The following DTX3L variants were observed in gnomAD, a reference collection of about 807,000 sequenced individuals.
DTX3L encodes deltex E3 ubiquitin ligase 3L.
A neutral mutation model predicts 60.9 loss-of-function variants in DTX3L; 34 were observed. That is an observed-to-expected ratio of 0.56 (90% CI 0.42 to 0.74). The LOEUF is 0.74. Among genes scored for constraint, DTX3L ranks in the 30% least tolerant of loss-of-function variants. The pLI is 0.00. For synonymous variants in DTX3L, 290 were observed against 316.6 expected (o/e 0.92, Z 0.89); for missense variants, 810 against 874.0 (o/e 0.93, Z 0.92).
At position 122,570,524 on chromosome 3, in the gene DTX3L, G is replaced by A. The variant is rs1409600072; in HGVS notation, c.2005G>A (p.Glu669Lys). The A allele has an allele frequency of 1.2e-6, 2 of 1,614,100 alleles. No homozygotes were observed. Among genetic ancestry groups the A allele is most frequent in the Non-Finnish European group, 1.7e-6 (2 of 1,180,020 alleles). ...QRTAYLPDNKEGRKVLKLLYR... is the reference protein window; with the variant it reads ...QRTAYLPDNKKGRKVLKLLYR... ...AACTGCATACTTGCCTGATAATAAGGAAGGAAGGAAGGTTTTGAAACTGCT... is the reference window on the plus strand; with the variant it reads ...AACTGCATACTTGCCTGATAATAAGAAAGGAAGGAAGGTTTTGAAACTGCT... The change falls in exon 4 of 5, where the codon GAA becomes AAA. Residue 669 changes from glutamate to lysine, a missense_variant. By Grantham distance (56) the Glu-to-Lys change is moderately conservative. Coordinates refer to ENST00000296161, the MANE Select transcript of DTX3L (RefSeq NM_138287.3).
chr3:122,566,256 C>T (rs1432159409), intron 2 of DTX3L, among the ~76,000 whole-genome samples, 186 bp downstream of exon 2: 1 of 152,138 alleles, frequency 6.6e-6, no homozygotes, highest in African/African-American at 2.4e-5. Context: ...TACTGGGGGC[C>T]AGGTCATGCA....
Position 122,564,657 on chromosome 3 carries a change from G to T in DTX3L, c.187+44G>T, listed in dbSNP as rs773833141. The T allele has an allele frequency of 3.2e-6, 5 of 1,553,962 alleles. No homozygotes were observed. In the South Asian group the frequency reaches 5.9e-5, roughly 18 times the overall value. ...GGCTGCGAAAGCCCTCTGGGGGCCCGGCCCCCGGGTTTCCAGGCGGACCCA... is the reference window on the plus strand; with the variant it reads ...GGCTGCGAAAGCCCTCTGGGGGCCCTGCCCCCGGGTTTCCAGGCGGACCCA... On this transcript the variant is annotated intron_variant, in intron 1 of 4. Transcript: ENST00000296161.
intron 2 of DTX3L, among the ~76,000 whole-genome samples, chr3:122,566,841 C>T (rs552172592): frequency 6.6e-5 from 10 of 152,186 alleles, no homozygotes; most frequent in Admixed American, 5.2e-4. Context: ...CTTCCAGGGA[C>T]GGCACCTTCT....
rs1221508399 is a variant in DTX3L at position 122,575,078 on chromosome 3, G to A, written c.*3331G>A. 1 of 152,206 alleles carries A rather than the reference G, an allele frequency of 6.6e-6. No homozygotes were observed. The highest frequency in any genetic ancestry group is 1.5e-5 in the Non-Finnish European group (1 of 68,036). 9.4% of individuals were successfully genotyped at this position (152,206 alleles called of 1,614,324 possible). ...AGTTCTGGATTCTGGATGGGAGATTGCACTGTGTGTGACATGCAAGTTTCA... is the reference window on the plus strand; with the variant it reads ...AGTTCTGGATTCTGGATGGGAGATTACACTGTGTGTGACATGCAAGTTTCA... On this transcript the variant is annotated 3_prime_UTR_variant, in exon 5 of 5. Transcript: ENST00000296161.
At chr3:122,568,202 A>G (rs948408994) in intron 2 of DTX3L, among the ~76,000 whole-genome samples, 1 of 152,112 alleles carries the variant, frequency 6.6e-6, no homozygotes, top group Non-Finnish European at 1.5e-5. Flanking sequence ...CCAGCTACTC[A>G]GGAGGCTGAG....
Position 122,569,050 on chromosome 3 carries a change from T to A in DTX3L, c.961T>A (p.Phe321Ile). The change falls in exon 3 of 5, where the codon TTC (phenylalanine) becomes ATC (isoleucine). Residue 321 changes from phenylalanine (F) to isoleucine (I), a missense_variant. By Grantham distance (21) the Phe-to-Ile change is conservative (BLOSUM62 0). Transcript: ENST00000296161. ...AGCAGACAGTAAGCAGGCAAATAAA[T>A]TCAAACAGGAATTGAATCACCAGTT... ...SLADSKQANK[F>I]KQELNHQFTK... 6.2e-7 allele frequency: 1 copy of A among 1,613,964 alleles called. No individual in the cohort carries two copies. The highest frequency in any genetic ancestry group is 8.5e-7 in the Non-Finnish European group (1 of 1,179,944).
intron 2 of DTX3L, among the ~76,000 whole-genome samples, chr3:122,566,529 AT>A (rs67205013): frequency 0.12 from 17,897 of 145,974 alleles, 1,226 homozygotes; most frequent in East Asian, 0.33. Context: ...CACCCAGCCA[AT>A]TTTTTTTTTT....
chr3:122,568,556 C>A lies in DTX3L; in HGVS notation c.467C>A (p.Thr156Asn). ...TCCAAAGAGCAGAGGGCATACATAA[C>A]CACACTGTGCCCTAGTATCAGAAAA... The part of the protein sequence containing the change: ...LFSKEQRAYI[T>N]TLCPSIRKME... The change falls in exon 3 of 5, where the codon ACC (threonine) becomes AAC (asparagine). Residue 156 changes from threonine (T) to asparagine (N), a missense_variant. Transcript: ENST00000296161. The A allele has an allele frequency of 6.2e-7, 1 of 1,614,116 alleles. No individual in the cohort carries two copies.
chr3:122,568,936 C>T lies in DTX3L; in HGVS notation c.847C>T (p.Arg283Ter), dbSNP rs771804990. Residue 283 changes from arginine (R) to a stop codon, truncating the protein, a stop_gained, in exon 3 of 5, where the codon CGA (arginine) becomes TGA (stop). Coordinates refer to ENST00000296161, the MANE Select transcript of DTX3L (RefSeq NM_138287.3). LOFTEE classifies it high-confidence loss of function. ...GGTCTGTTTAGATTTCACCTCAAGT[C>T]GATCAGGTGACCTGGAAGCAGCTCG... ...NMVCLDFTSSRSGDLEAARES... is the reference protein window; with the variant it reads ...NMVCLDFTSS 1 of 1,613,928 alleles carries T rather than the reference C, an allele frequency of 6.2e-7. No individual in the cohort carries two copies. Among genetic ancestry groups the T allele is most frequent in the African/African-American group, 1.3e-5 (1 of 74,928 alleles).
chr3:122,567,027 A>T (rs1255071171), intron 2 of DTX3L, among the ~76,000 whole-genome samples: 1 of 152,184 alleles, frequency 6.6e-6, no homozygotes, highest in Non-Finnish European at 1.5e-5. Flanking sequence ...TTCTGGGCGG[A>T]AAGTGTCCTA....
chr3:122,566,108 T>C, intron 2 of DTX3L, 38 bp downstream of exon 2: 1 of 1,563,006 alleles, frequency 6.4e-7, no homozygotes, highest in Non-Finnish European at 8.8e-7. Context: ...TGCCTGCGCC[T>C]CCTCTCCAGT....
rs2080647684 is a variant in DTX3L, at chr3:122,571,827, C to T, written c.*80C>T. 4 of 1,216,832 alleles carry T rather than the reference C, an allele frequency of 3.3e-6. No homozygotes were observed. The highest frequency in any genetic ancestry group is 1.5e-5 in the African/African-American group (1 of 65,252). The allele number at this position is 1,216,832 out of a possible 1,614,324, so 75.4% of individuals were successfully genotyped here. On this transcript the variant is annotated 3_prime_UTR_variant, in exon 5 of 5. Transcript: ENST00000296161. ...GGCTGATTTAATGCCAGTCTAAATC[C>T]TTATGTAGAAAGGACTTTGAAATTT...
chr3:122,568,336 A>C (rs963073996), intron 2 of DTX3L, among the ~76,000 whole-genome samples, 153 bp from the exon 3 acceptor site: 9 of 150,878 alleles, frequency 6.0e-5, no homozygotes, highest in African/African-American at 2.2e-4. Flanking sequence ...TAAATAAATA[A>C]ATAAATAAAT....
chr3:122,570,102 AT>A, intron 3 of DTX3L, 78 bp downstream of exon 3: 1 of 1,435,084 alleles, frequency 7.0e-7, no homozygotes, highest in Non-Finnish European at 9.7e-7. Flanking sequence ...CCTGTTGCCT[AT>A]TAGACAATAG....
At position 122,574,257 on chromosome 3, in the gene DTX3L, G is replaced by A. The variant is rs1303854846; in HGVS notation, c.*2510G>A. ...TCTTTACTAAGTCCCACCAATTCAT[G>A]TTTTCACCCTTAAAATCTTTCTCAC... is the stretch of plus-strand genomic sequence containing the variant. On this transcript the variant is annotated 3_prime_UTR_variant, in exon 5 of 5. Transcript: ENST00000296161. The A allele has an allele frequency of 6.6e-6, 1 of 152,014 alleles. No individual in the cohort carries two copies. The highest frequency in any genetic ancestry group is 2.4e-5 in the African/African-American group (1 of 41,358). The allele number at this position is 152,014 out of a possible 1,614,324, so 9.4% of individuals were successfully genotyped here.
Position 122,568,734 on chromosome 3 carries a change from G to C in DTX3L, c.645G>C (p.Glu215Asp), listed in dbSNP as rs537350887. The C allele has an allele frequency of 6.2e-7, 1 of 1,614,200 alleles. No individual in the cohort carries two copies. Among genetic ancestry groups the C allele is most frequent in the Non-Finnish European group, 8.5e-7 (1 of 1,180,044 alleles). Residue 215 changes from glutamate (E) to aspartate (D), a missense_variant, in exon 3 of 5, where the codon GAG becomes GAC. Physicochemically the swap from Glu to Asp is conservative, Grantham distance 45. Coordinates refer to ENST00000296161, the MANE Select transcript of DTX3L (RefSeq NM_138287.3). ...MTERKPLSQQ[E>D]RDSCISPSEP... Reference sequence around the variant, plus strand: ...AGAGGAAGCCACTCAGTCAGCAGGAGAGGGACAGCTGCATTTCTCCTTCTG... The same window carrying C: ...AGAGGAAGCCACTCAGTCAGCAGGACAGGGACAGCTGCATTTCTCCTTCTG...
intron 1 of DTX3L, among the ~76,000 whole-genome samples, chr3:122,565,546 A>AGGG (rs2080563283): frequency 7.4e-6 from 1 of 134,692 alleles, no homozygotes; most frequent in Admixed American, 7.4e-5. Context: ...GAAGGAAGGA[A>AGGG]GGGAGGGAGG....
chr3:122,564,651 G>T, intron 1 of DTX3L, 38 bp downstream of exon 1: 5 of 1,561,388 alleles, frequency 3.2e-6, no homozygotes, highest in Non-Finnish European at 4.3e-6. Context: ...AGCCCTCTGG[G>T]GGCCCGGCCC....
At position 122,568,859 on chromosome 3, in the gene DTX3L, T is replaced by A; in HGVS notation, c.770T>A (p.Ile257Lys). The change falls in exon 3 of 5, where the codon ATA becomes AAA. Residue 257 changes from isoleucine (I) to lysine (K), a missense_variant. By Grantham distance (102) the Ile-to-Lys change is moderately radical. Transcript: ENST00000296161. Reference protein sequence around the residue: ...KYICPDKINSIEKRFGVNIEI... With the variant: ...KYICPDKINSKEKRFGVNIEI... Reference sequence around the variant, plus strand: ...ATCTGTCCTGATAAAATCAACTCAATAGAGAAAAGATTTGGTGTAAACATT... The same window carrying A: ...ATCTGTCCTGATAAAATCAACTCAAAAGAGAAAAGATTTGGTGTAAACATT... 6.2e-7 allele frequency: 1 copy of A among 1,613,858 alleles called. No individual in the cohort carries two copies. The highest frequency in any genetic ancestry group is 8.5e-7 in the Non-Finnish European group (1 of 1,179,964).
Sources: allele counts gnomAD v4.1 joint callset (sites outside exome capture counted in the v4.1 genomes callset), GRCh38; gene constraint gnomAD v4.1.1; transcripts MANE v1.5; gene names NCBI Gene and HGNC (gene_info 2026-07-23, HGNC 2026-07-21).